The following CCNY variants were observed in gnomAD, a reference collection of about 807,000 sequenced individuals.
CCNY encodes cyclin-Y.
A neutral mutation model predicts 42.8 loss-of-function variants in CCNY; 19 were observed. The observed-to-expected ratio is 0.44, with a 90% confidence interval of 0.31 to 0.65. The LOEUF (loss-of-function observed/expected upper bound fraction) is 0.65, where lower values mean the gene tolerates loss of function less well. Ranked by LOEUF, CCNY falls within the 30% of genes least tolerant of loss-of-function variation. The probability of loss-of-function intolerance (pLI) is 0.07; values close to 1 mark genes in which losing one functional copy is unlikely to be tolerated. For missense variants in CCNY, 370 were observed against 437.3 expected (o/e 0.85, Z 1.37); for synonymous variants, 165 against 162.7 (o/e 1.01, Z -0.11).
chr10:35,430,849 G>C (rs369496805), intron 1 of CCNY, among the ~76,000 whole-genome samples: 2 of 152,128 alleles, frequency 1.3e-5, no homozygotes, highest in Non-Finnish European at 2.9e-5. Context: ...GGTGGCTCAT[G>C]CCTGTAATCC....
chr10:35,536,093 C>A (rs1840880833), intron 7 of CCNY, among the ~76,000 whole-genome samples: 1 of 152,156 alleles, frequency 6.6e-6, no homozygotes, highest in Admixed American at 6.5e-5. Flanking sequence ...CTCATAACTC[C>A]CATTATTGTG....
intron 7 of CCNY, among the ~76,000 whole-genome samples, chr10:35,531,219 G>A (rs1840763193): frequency 6.6e-6 from 1 of 152,172 alleles, no homozygotes; most frequent in Admixed American, 6.5e-5. Flanking sequence ...CTTTGCCTGT[G>A]CATGAGCTAT....
chr10:35,540,576 T>G (rs978485627), intron 7 of CCNY, among the ~76,000 whole-genome samples: 1 of 152,212 alleles, frequency 6.6e-6, no homozygotes, highest in African/African-American at 2.4e-5. Flanking sequence ...TTTTTTTTTT[T>G]GAAGAGTTTG....
chr10:35,337,878 C>T (rs762312035), intron 1 of CCNY, among the ~76,000 whole-genome samples: 1 of 151,938 alleles, frequency 6.6e-6, no homozygotes, highest in South Asian at 2.1e-4. Flanking sequence ...CTATGAATTT[C>T]TGATTTATTC....
intron 3 of CCNY, among the ~76,000 whole-genome samples, chr10:35,281,583 G>A (rs1357388657): frequency 5.9e-5 from 9 of 152,064 alleles, no homozygotes; most frequent in Admixed American, 6.6e-5. Context: ...GATTACAGGC[G>A]TGAGCCACTG....
chr10:35,319,003 C>A (rs1204689597), intron 3 of CCNY, among the ~76,000 whole-genome samples: 1 of 152,116 alleles, frequency 6.6e-6, no homozygotes, highest in Non-Finnish European at 1.5e-5. Context: ...CATAGTGTCA[C>A]CTGGGCCGGA....
chr10:35,534,954 TACACACACAC>T (rs58564724), intron 7 of CCNY, among the ~76,000 whole-genome samples: 1 of 139,448 alleles, frequency 7.2e-6, no homozygotes, highest in African/African-American at 2.7e-5. Context: ...TGGGGATACA[TACACACACAC>T]ACACACACAC....
chr10:35,281,466 AT>A (rs899538491), intron 3 of CCNY, among the ~76,000 whole-genome samples: 12 of 150,344 alleles, frequency 8.0e-5, no homozygotes, highest in South Asian at 2.1e-4. Context: ...TGCCCAGCTA[AT>A]TTTTTTTTGT....
chr10:35,325,091 T>A (rs1197740593), intron 3 of CCNY, among the ~76,000 whole-genome samples: 2 of 152,254 alleles, frequency 1.3e-5, no homozygotes, highest in Non-Finnish European at 2.9e-5. Context: ...GATATGAAGT[T>A]AAGGACATTT....
rs994871661 is a variant in CCNY, at chr10:35,498,321, C to T, written c.230-3180C>T. ...TAGAGCATATTGTTTGTGCAGACAGCTTAGGCACAGTGAGCCACTCCTACC... is the reference window on the plus strand; with the variant it reads ...TAGAGCATATTGTTTGTGCAGACAGTTTAGGCACAGTGAGCCACTCCTACC... On this transcript the variant is annotated intron_variant, in intron 2 of 9. Coordinates refer to ENST00000374704, the MANE Select transcript of CCNY (RefSeq NM_145012.6). Among the ~76,000 whole-genome samples the T allele has an allele frequency of 1.2e-4, 18 of 152,166 alleles. 1 individual carries two copies. Among genetic ancestry groups the T allele is most frequent in the Admixed American group, 9.8e-4 (15 of 15,282 alleles).
At chr10:35,279,249 G>A (rs905609369) in intron 3 of CCNY, among the ~76,000 whole-genome samples, 1 of 151,508 alleles carries the variant, frequency 6.6e-6, no homozygotes, top group African/African-American at 2.4e-5. Context: ...CTGAGTAGCT[G>A]GAATCACAGG....
At chr10:35,273,908 G>A (rs1306792869) in intron 3 of CCNY, among the ~76,000 whole-genome samples, 1 of 152,078 alleles carries the variant, frequency 6.6e-6, no homozygotes, top group Admixed American at 6.6e-5. Flanking sequence ...ACCTGTGGCA[G>A]GGCCCTTCCT....
In CCNY at chr10:35,570,152, T is replaced by G. The variant is rs1841658720; in HGVS notation, c.*982T>G. 2 of 152,762 alleles carry G rather than the reference T, an allele frequency of 1.3e-5. No individual in the cohort carries two copies. The allele number at this position is 152,762 out of a possible 1,614,324, so 9.5% of individuals were successfully genotyped here. ...CCAAGTCCATTGTTGCAAGCAATATTCTTCTCAATTTTTATATGTTTACTT... is the reference window on the plus strand; with the variant it reads ...CCAAGTCCATTGTTGCAAGCAATATGCTTCTCAATTTTTATATGTTTACTT... On this transcript the variant is annotated 3_prime_UTR_variant, in exon 10 of 10. Coordinates refer to ENST00000374704, the MANE Select transcript of CCNY (RefSeq NM_145012.6).
chr10:35,322,460 C>A lies in CCNY; in HGVS notation c.-9+71834C>A, dbSNP rs73264652. 4.3e-3 allele frequency among the ~76,000 whole-genome samples: 653 copies of A among 150,672 alleles called. 2 individuals are homozygous for A. Among genetic ancestry groups the A allele is most frequent in the African/African-American group, 0.014 (587 of 41,072 alleles). On this transcript the variant is annotated intron_variant, in intron 3 of 11. Coordinates refer to the CCNY transcript ENST00000374706. Reference sequence around the variant, plus strand: ...TCTTAGATAATTGAATACACACACACAAAAAAACAAAAAAAGACAAGAGCT... The same window carrying A: ...TCTTAGATAATTGAATACACACACAAAAAAAAACAAAAAAAGACAAGAGCT...
chr10:35,360,382 G>A (rs1836657741), intron 1 of CCNY, among the ~76,000 whole-genome samples: 3 of 150,180 alleles, frequency 2.0e-5, no homozygotes, highest in South Asian at 2.1e-4. Flanking sequence ...AATCTCCTGG[G>A]CTTAAGCGAT....
chr10:35,422,714 A>AT (rs1012510384), intron 1 of CCNY, among the ~76,000 whole-genome samples: 5 of 152,220 alleles, frequency 3.3e-5, no homozygotes, highest in East Asian at 3.9e-4. Context: ...ATATTTGCTT[A>AT]TTTTTTTGTC....
At chr10:35,297,913 T>G (rs1835490446) in intron 3 of CCNY, among the ~76,000 whole-genome samples, 1 of 151,984 alleles carries the variant, frequency 6.6e-6, no homozygotes, top group Non-Finnish European at 1.5e-5. Flanking sequence ...ACGGCCATAC[T>G]GCCCAAAGCA....
chr10:35,531,402 A>T (rs1840768267), intron 7 of CCNY, among the ~76,000 whole-genome samples: 1 of 152,242 alleles, frequency 6.6e-6, no homozygotes, highest in Non-Finnish European at 1.5e-5. Context: ...TCATCTGTTC[A>T]TCTGTTTGTT....
At chr10:35,394,797 A>G in intron 1 of CCNY, 2 of 979,642 alleles carry the variant, frequency 2.0e-6, no homozygotes, top group Non-Finnish European at 2.4e-6. Context: ...TGGTGACCAC[A>G]CCATATTCTC....
Sources: allele counts gnomAD v4.1 joint callset (sites outside exome capture counted in the v4.1 genomes callset), GRCh38; gene constraint gnomAD v4.1.1; transcripts MANE v1.5; gene names NCBI Gene and HGNC (gene_info 2026-07-23, HGNC 2026-07-21).